The following TTN variants were observed in gnomAD, a reference collection of about 807,000 sequenced individuals.
TTN encodes the protein titin.
A neutral mutation model predicts 3,223.0 loss-of-function variants in TTN; 1,525 were observed. The ratio of observed to expected loss-of-function variants is 0.47; its 90% CI spans 0.45 to 0.49. The LOEUF (loss-of-function observed/expected upper bound fraction) is 0.49, where lower values mean the gene tolerates loss of function less well. Ranked by LOEUF, TTN falls within the 20% of genes least tolerant of loss-of-function variation. The probability of loss-of-function intolerance (pLI) is 0.00; values close to 1 mark genes in which losing one functional copy is unlikely to be tolerated. For synonymous variants in TTN, 14,094 were observed against 15,161.0 expected (o/e 0.93, Z 5.17); for missense variants, 40,786 against 43,424.0 (o/e 0.94, Z 5.40).
In TTN at chr2:178,574,926, AT is replaced by A; in HGVS notation, c.71205del (p.Lys23735AsnfsTer10). On this transcript the variant is annotated frameshift_variant, in exon 326 of 363. Transcript: ENST00000589042. LOFTEE classifies it high-confidence loss of function. ...ACAAAATCAGATGAAACTTCATCAAATTTGATTGGTCCAGTAGGTGGCCCTG... is the reference window on the plus strand; with the variant it reads ...ACAAAATCAGATGAAACTTCATCAAATTGATTGGTCCAGTAGGTGGCCCTG... ...DIPGPPTGPI[K>X]FDEVSSDFVT... 2 of 1,612,978 alleles carry A rather than the reference AT, an allele frequency of 1.2e-6. No homozygotes were observed. Among genetic ancestry groups the A allele is most frequent in the Non-Finnish European group, 1.7e-6 (2 of 1,179,436 alleles).
At position 178,536,437 on chromosome 2, in the gene TTN, T is replaced by C. The variant is rs1691532335; in HGVS notation, c.100310A>G (p.Asn33437Ser). The C allele has an allele frequency of 4.3e-6, 7 of 1,612,476 alleles. No homozygotes were observed. The Middle Eastern group carries it at 8.2e-4, about 190-fold the overall frequency. ...TTCTGTTGTCACAGAAATCCATTTA[T>C]TCTGCTTCTTCTCACGCTTCTCAAG... The part of the protein sequence containing the change: ...YYLEKREKKQ[N>S]KWISVTTEEI... The change falls in exon 357 of 363, where the codon AAT becomes AGT. Residue 33437 changes from asparagine to serine, a missense_variant. Transcript: ENST00000589042.
Position 178,685,205 on chromosome 2 carries a change from A to G in TTN, c.32470+48T>C, listed in dbSNP as rs998999400. ...GTTATGCAAATGTGAAGGTATTATT[A>G]TATACATTAAAATAAATAGTGTTGC... On this transcript the variant is annotated intron_variant, in intron 129 of 362. Coordinates refer to ENST00000589042, the MANE Select transcript of TTN (RefSeq NM_001267550.2). The G allele has an allele frequency of 2.0e-5, 28 of 1,424,462 alleles. No individual in the cohort carries two copies. The Admixed American group carries it at 5.4e-4, about 27-fold the overall frequency. 88.2% of individuals were successfully genotyped at this position (1,424,462 alleles called of 1,614,324 possible). A position where few individuals can be genotyped will look rare whatever the true frequency, so the allele number is the denominator to read the frequency against.
In TTN at chr2:178,615,288, T is replaced by G. The variant is rs766114993; in HGVS notation, c.48638+19A>C. ...GACTAGGAGTACACATTTACTCTCATGCCAAATTAAAAACCTACTTTGTTT... is the reference window on the plus strand; with the variant it reads ...GACTAGGAGTACACATTTACTCTCAGGCCAAATTAAAAACCTACTTTGTTT... On this transcript the variant is annotated intron_variant, in intron 259 of 362. Transcript: ENST00000589042. 1.2e-6 allele frequency: 2 copies of G among 1,611,732 alleles called. No individual in the cohort carries two copies. The highest frequency in any genetic ancestry group is 1.7e-5 in the Admixed American group (1 of 59,842).
intron 21 of TTN, 67 bp from the exon 22 acceptor site, chr2:178,780,272 T>C (rs2092647953): frequency 6.5e-6 from 9 of 1,383,110 alleles, no homozygotes; most frequent in Non-Finnish European, 9.2e-6. Flanking sequence ...CACTATGCAT[T>C]CAGGTAAACT....
In TTN at chr2:178,804,505, G is replaced by C. The variant is rs183427070; in HGVS notation, c.91+47C>G. On this transcript the variant is annotated intron_variant, in intron 2 of 362. Coordinates refer to ENST00000589042, the MANE Select transcript of TTN (RefSeq NM_001267550.2). ...CCTGCAGCAACGTTAACTTACTGGA[G>C]AGGAGGCAAAGGAAAAAAAAACAAA... 4.9e-4 allele frequency: 740 copies of C among 1,519,836 alleles called. 2 individuals are homozygous for C. The highest frequency in any genetic ancestry group is 1.8e-5 in the Non-Finnish European group (20 of 1,133,832). The allele number at this position is 1,519,836 out of a possible 1,614,324, so 94.1% of individuals were successfully genotyped here. A position where few individuals can be genotyped will look rare whatever the true frequency, so the allele number is the denominator to read the frequency against.
chr2:178,674,166 C>T (rs1162358945), intron 151 of TTN, 148 bp downstream of exon 151: 3 of 594,500 alleles, frequency 5.0e-6, no homozygotes, highest in Admixed American at 6.0e-5. Flanking sequence ...AAAAAGGACA[C>T]ATAGATTCAG....
In TTN at chr2:178,532,363, G is replaced by T; in HGVS notation, c.104252C>A (p.Ala34751Asp). Residue 34751 changes from alanine (A) to aspartate (D), a missense_variant, in exon 358 of 363, where the codon GCC becomes GAC. By Grantham distance (126) the Ala-to-Asp change is moderately radical (BLOSUM62 -2). Coordinates refer to ENST00000589042, the MANE Select transcript of TTN (RefSeq NM_001267550.2). ...CTTTGGCTGTCTGTACGCAGCCTGG[G>T]CATGCCGTTCCCTCAGTTCTGCATA... Reference protein sequence around the residue: ...TSYAELRERHAQAAYRQPKQR... With the variant: ...TSYAELRERHDQAAYRQPKQR... The T allele has an allele frequency of 6.2e-7, 1 of 1,613,988 alleles. No individual in the cohort carries two copies. Among genetic ancestry groups the T allele is most frequent in the Non-Finnish European group, 8.5e-7 (1 of 1,179,884 alleles).
chr2:178,761,208 T>C (rs1212992614), intron 43 of TTN, among the ~76,000 whole-genome samples: 2 of 152,102 alleles, frequency 1.3e-5, no homozygotes, highest in African/African-American at 4.8e-5. Flanking sequence ...TCCAGGCCTA[T>C]TGTAATAATC....
intron 47 of TTN, chr2:178,747,338 C>T (rs2083952560): frequency 6.2e-7 from 1 of 1,613,182 alleles, no homozygotes. Context: ...TGTCTCACCT[C>T]CTGAATGTAT....
At chr2:178,678,375 T>C (rs948867335) in intron 144 of TTN, 39 bp downstream of exon 144, 3 of 1,546,778 alleles carry the variant, frequency 1.9e-6, no homozygotes, top group African/African-American at 2.8e-5. Context: ...TAGATGTGAG[T>C]TTTTTCCCCC....
intron 47 of TTN, chr2:178,751,252 CT>C (rs2085409434): frequency 1.2e-6 from 2 of 1,608,082 alleles, no homozygotes; most frequent in Middle Eastern, 1.7e-4. Context: ...GAGATAATTT[CT>C]TTTTCTCCAT....
At position 178,537,709 on chromosome 2, in the gene TTN, T is replaced by C. The variant is rs767780038; in HGVS notation, c.99498A>G (p.Glu33166=). 1 of 1,613,810 alleles carries C rather than the reference T, an allele frequency of 6.2e-7. No homozygotes were observed. The highest frequency in any genetic ancestry group is 1.1e-5 in the South Asian group (1 of 91,084). The part of the protein sequence containing the change: ...HTLTVMTEEQ[E]DEGVYTCIAT... ...CTATGCAGGTATAAACACCTTCATC[T>C]TCCTGTTCCTCTGTCATTACTGTAA... is the stretch of plus-strand genomic sequence containing the variant. Residue 33166 remains glutamate (E), a synonymous_variant, in exon 355 of 363, where the codon GAA becomes GAG. Coordinates refer to ENST00000589042, the MANE Select transcript of TTN (RefSeq NM_001267550.2).
At chr2:178,748,214 T>C in intron 47 of TTN, 1 of 1,613,134 alleles carries the variant, frequency 6.2e-7, no homozygotes, top group Non-Finnish European at 8.5e-7. Flanking sequence ...TGATTCACTA[T>C]AGATTTCTTC....
rs1284511785 is a variant in TTN, at chr2:178,570,813, C to A, written c.75319G>T (p.Asp25107Tyr). 1 of 1,613,444 alleles carries A rather than the reference C, an allele frequency of 6.2e-7. No homozygotes were observed. Among genetic ancestry groups the A allele is most frequent in the Non-Finnish European group, 8.5e-7 (1 of 1,179,624 alleles). Residue 25107 changes from aspartate to tyrosine, a missense_variant, in exon 326 of 363, where the codon GAT becomes TAT. Asp to Tyr is a radical substitution (Grantham distance 160, BLOSUM62 -3). Transcript: ENST00000589042. ...GGATCCATACTTATTCGTGGTGGAT[C>A]TACCTCATCTCTAGCTGTTATTGCT... Reference protein sequence around the residue: ...TGAITARDEVDPPRISMDPKY... With the variant: ...TGAITARDEVYPPRISMDPKY...
chr2:178,771,246 G>A lies in TTN; in HGVS notation c.8081C>T (p.Ala2694Val), dbSNP rs754758405. 1.2e-6 allele frequency: 2 copies of A among 1,614,042 alleles called. No homozygotes were observed. The highest frequency in any genetic ancestry group is 2.2e-5 in the East Asian group (1 of 44,826). ...DDIGEYTYKVATSKTSAKLKV... is the reference protein window; with the variant it reads ...DDIGEYTYKVVTSKTSAKLKV... ...GAGTTTGGCAGATGTTTTGGAGGTGGCCACCTTGTAGGTATATTCTCCAAT... is the reference window on the plus strand; with the variant it reads ...GAGTTTGGCAGATGTTTTGGAGGTGACCACCTTGTAGGTATATTCTCCAAT... The change falls in exon 34 of 363, where the codon GCC (alanine) becomes GTC (valine). Residue 2694 changes from alanine to valine, a missense_variant. Ala to Val is a moderately conservative substitution (Grantham distance 64, BLOSUM62 0). Coordinates refer to ENST00000589042, the MANE Select transcript of TTN (RefSeq NM_001267550.2).
At chr2:178,737,969 G>A in intron 49 of TTN, 113 bp downstream of exon 49, 1 of 1,376,046 alleles carries the variant, frequency 7.3e-7, no homozygotes, top group Non-Finnish European at 9.8e-7. Flanking sequence ...TACTGTCTTG[G>A]TTGTTGGTCT....
chr2:178,572,807 G>T lies in TTN; in HGVS notation c.73325C>A (p.Ala24442Asp), dbSNP rs878960037. ...AACAAAAAGTCTCAGGGTGCAGCAG[G>T]CCCTTATAGTAACAACTTTGCGCAG... ...ADLRKVVTIR[A>D]CCTLRLFVPI... Residue 24442 changes from alanine (A) to aspartate (D), a missense_variant, in exon 326 of 363, where the codon GCC becomes GAC. Transcript: ENST00000589042. 6.2e-7 allele frequency: 1 copy of T among 1,613,282 alleles called. No homozygotes were observed. Among genetic ancestry groups the T allele is most frequent in the African/African-American group, 1.3e-5 (1 of 74,868 alleles).
Position 178,704,394 on chromosome 2 carries a change from T to A in TTN, c.29976A>T (p.Glu9992Asp). Residue 9992 changes from glutamate to aspartate, a missense_variant, in exon 106 of 363, where the codon GAA becomes GAT. Physicochemically the swap from Glu to Asp is conservative, Grantham distance 45 (BLOSUM62 2). Transcript: ENST00000589042. ...TCAGAGTCACATCCTGAAGATGCCG[T>A]TCCCATGCAGGCTCTGTTCATGTGA... ...AKLTVIEPAW[E>D]RHLQDVTLKE... 2 of 1,613,434 alleles carry A rather than the reference T, an allele frequency of 1.2e-6. No individual in the cohort carries two copies. Among genetic ancestry groups the A allele is most frequent in the Non-Finnish European group, 1.7e-6 (2 of 1,179,432 alleles).
rs116604145 is a variant in TTN, at chr2:178,528,894, G to T, written c.106857C>A (p.Asn35619Lys). ...CTTTTAAAACCAGTCTTTGACCTTC[G>T]TTTATGCTCATCTGAGTAGAAAATG... ...IKAFSTQMSI[N>K]EGQRLVLKAN... Residue 35619 changes from asparagine to lysine, a missense_variant, in exon 360 of 363, where the codon AAC becomes AAA. Asn to Lys is a moderately conservative substitution (Grantham distance 94). Transcript: ENST00000589042. The T allele has an allele frequency of 1.2e-6, 2 of 1,613,980 alleles. No homozygotes were observed. Among genetic ancestry groups the T allele is most frequent in the Non-Finnish European group, 1.7e-6 (2 of 1,179,872 alleles).
Sources: allele counts gnomAD v4.1 joint callset (sites outside exome capture counted in the v4.1 genomes callset), GRCh38; gene constraint gnomAD v4.1.1; transcripts MANE v1.5; gene names NCBI Gene and HGNC (gene_info 2026-07-23, HGNC 2026-07-21).